The following ZNF69 variants were observed in gnomAD, a reference collection of about 807,000 sequenced individuals.
The protein encoded by ZNF69 is zinc finger protein 69, also known as ZNF3.
A neutral mutation model predicts 50.9 loss-of-function variants in ZNF69; 47 were observed. That is an observed-to-expected ratio of 0.92 (90% CI 0.73 to 1.18). ZNF69 has a LOEUF of 1.18. Ranked by LOEUF, ZNF69 falls within the 50% of genes most tolerant of loss-of-function variation. ZNF69 has a pLI of 0.00. For missense variants in ZNF69, 717 were observed against 675.1 expected (o/e 1.06, Z -0.69); for synonymous variants, 216 against 223.1 (o/e 0.97, Z 0.29).
chr19:11,977,857 G>A, the ZNF69 span, among the ~76,000 whole-genome samples: 4 of 152,094 alleles, frequency 2.6e-5, no homozygotes, highest in Non-Finnish European at 5.9e-5. Context: ...ACCCTGACTC[G>A]AAAGAAAAAT....
At chr19:11,974,278 C>T in the ZNF69 span, among the ~76,000 whole-genome samples, 2 of 150,898 alleles carry the variant, frequency 1.3e-5, no homozygotes, top group Non-Finnish European at 2.9e-5. Flanking sequence ...CTCACTGCTG[C>T]CTCTGCCTCC....
chr19:11,974,121 CTTTCTTTTCT>C, the ZNF69 span, among the ~76,000 whole-genome samples: 3 of 74,966 alleles, frequency 4.0e-5, no homozygotes, highest in Non-Finnish European at 8.1e-5. Flanking sequence ...TTCTTTCTTT[CTTTCTTTTCT>C]TTCTTTCTTT....
chr19:11,921,226 T>G, the ZNF69 span, among the ~76,000 whole-genome samples: 4 of 152,024 alleles, frequency 2.6e-5, no homozygotes, highest in Non-Finnish European at 5.9e-5. Flanking sequence ...CAGGCTAGAG[T>G]GCAGTGGTGG....
At chr19:11,929,545 T>G in the ZNF69 span, among the ~76,000 whole-genome samples, 1 of 148,414 alleles carries the variant, frequency 6.7e-6, no homozygotes. Context: ...TGTGCCTGAT[T>G]AAGCATGAAT....
chr19:11,965,441 C>T, the ZNF69 span, among the ~76,000 whole-genome samples: 1 of 152,186 alleles, frequency 6.6e-6, no homozygotes, highest in South Asian at 2.1e-4. Flanking sequence ...GGCCCCGCCC[C>T]GGAGCCCTCT....
At chr19:11,951,517 C>T in the ZNF69 span, among the ~76,000 whole-genome samples, 1 of 152,130 alleles carries the variant, frequency 6.6e-6, no homozygotes, top group African/African-American at 2.4e-5. Context: ...ACATGAGCCA[C>T]TGGGCCCGGC....
downstream of ZNF69, among the ~76,000 whole-genome samples, chr19:11,915,392 A>G (rs2145258268): frequency 6.6e-6 from 1 of 152,364 alleles, no homozygotes; most frequent in Admixed American, 6.5e-5. Context: ...AATGACAATG[A>G]AAGTGCAGGC....
At position 11,906,165 on chromosome 19, in the gene ZNF69, TGAATGTAAA is replaced by T; in HGVS notation, c.*74_*82del. ...TAGGACACACAATCAAGAGAAACCATGAATGTAAAGAATGTGGGAAACCCTTCAGGTCTG... is the reference window on the plus strand; with the variant it reads ...TAGGACACACAATCAAGAGAAACCATGAATGTGGGAAACCCTTCAGGTCTG... On this transcript the variant is annotated 3_prime_UTR_variant, in exon 4 of 4. Transcript: ENST00000429654. The T allele has an allele frequency of 1.3e-6, 2 of 1,571,540 alleles. No individual in the cohort carries two copies. Among genetic ancestry groups the T allele is most frequent in the Non-Finnish European group, 1.7e-6 (2 of 1,165,500 alleles).
the ZNF69 span, among the ~76,000 whole-genome samples, chr19:11,926,864 G>A: frequency 6.6e-6 from 1 of 152,078 alleles, no homozygotes; most frequent in Non-Finnish European, 1.5e-5. Context: ...TTATTCAAGC[G>A]GAAGGATAGC....
chr19:11,947,220 C>A, the ZNF69 span: 1 of 1,613,960 alleles, frequency 6.2e-7, no homozygotes, highest in Non-Finnish European at 8.5e-7. Context: ...GAACTTCACC[C>A]AGGAAGAGTG....
At chr19:11,889,140 C>T (rs1977019854) in intron 1 of ZNF69, among the ~76,000 whole-genome samples, 2 of 152,118 alleles carry the variant, frequency 1.3e-5, no homozygotes, top group Admixed American at 1.3e-4. Context: ...CTGTTATCTG[C>T]CACTTGATTC....
At chr19:11,976,956 C>T in the ZNF69 span, 215 of 1,580,222 alleles carry the variant, frequency 1.4e-4, no homozygotes, top group African/African-American at 1.8e-4. Flanking sequence ...TTGGAGTCCA[C>T]GGCAACTTCT....
chr19:11,944,412 C>T, the ZNF69 span, among the ~76,000 whole-genome samples: 1 of 152,188 alleles, frequency 6.6e-6, no homozygotes. Flanking sequence ...TTCATCCACT[C>T]CACCTTTCCG....
exon 5 of ZNF69, chr19:11,913,749 C>T: frequency 5.7e-6 from 1 of 175,130 alleles, no homozygotes; most frequent in Non-Finnish European, 1.2e-5. Context: ...CTCTGAGTGC[C>T]TTCTTCCCAA....
chr19:11,958,189 C>G, the ZNF69 span, among the ~76,000 whole-genome samples: 1 of 152,164 alleles, frequency 6.6e-6, no homozygotes, highest in African/African-American at 2.4e-5. Context: ...TGATTTGACT[C>G]GTCCTGAGTT....
chr19:11,976,130 G>C, the ZNF69 span, among the ~76,000 whole-genome samples: 8,043 of 148,372 alleles, frequency 0.054, 710 homozygotes, highest in African/African-American at 0.18. Flanking sequence ...CTCTTGGGTA[G>C]CTATCTGCCT....
At chr19:11,968,074 G>A in the ZNF69 span, among the ~76,000 whole-genome samples, 1 of 152,196 alleles carries the variant, frequency 6.6e-6, no homozygotes, top group Non-Finnish European at 1.5e-5. Flanking sequence ...TGTCAAACAT[G>A]TTATGACCAT....
the ZNF69 span, chr19:11,939,946 C>G: frequency 6.8e-6 from 1 of 146,272 alleles, no homozygotes; most frequent in African/African-American, 2.7e-5. Flanking sequence ...TGTAACAAGA[C>G]GTTTTCTTTT....
Position 11,905,610 on chromosome 19 carries a change from T to C in ZNF69, c.1213T>C (p.Tyr405His). The change falls in exon 4 of 4, where the codon TAT becomes CAT. Residue 405 changes from tyrosine to histidine, a missense_variant. Tyr to His is a moderately conservative substitution (Grantham distance 83, BLOSUM62 2). Transcript: ENST00000429654. ...KAFIHSSSLRYHERIHTGEKP... is the reference protein window; with the variant it reads ...KAFIHSSSLRHHERIHTGEKP... ...CTTCATTCATTCCAGTTCCCTTCGT[T>C]ATCATGAAAGGATTCACACTGGAGA... 2 of 1,612,564 alleles carry C rather than the reference T, an allele frequency of 1.2e-6. No homozygotes were observed. The highest frequency in any genetic ancestry group is 1.7e-6 in the Non-Finnish European group (2 of 1,179,548).
Sources: gnomAD v4.1 joint callset for allele counts (sites outside exome capture counted in the v4.1 genomes callset) on GRCh38, gnomAD v4.1.1 for gene constraint, MANE v1.5 for transcripts, NCBI Gene and HGNC (gene_info 2026-07-23, HGNC 2026-07-21) for gene names.